The following RPS6KC1 variants were observed in gnomAD, a reference collection of about 807,000 sequenced individuals.
RPS6KC1 encodes inactive ribosomal protein S6 kinase delta-1.
Under a neutral mutation model 103.8 loss-of-function variants are expected in RPS6KC1, and 54 were observed. That is an observed-to-expected ratio of 0.52 (90% CI 0.42 to 0.65). The LOEUF is 0.65. Among genes scored for constraint, RPS6KC1 ranks in the 30% least tolerant of loss-of-function variants. RPS6KC1 has a pLI of 0.00. For synonymous variants in RPS6KC1, 439 were observed against 438.7 expected, an observed-to-expected ratio of 1.00 and a Z score of -0.01; for missense variants, 1,151 against 1,253.8, an observed-to-expected ratio of 0.92 and a Z score of 1.24.
At chr1:213,395,390 T>C in the RPS6KC1 span, among the ~76,000 whole-genome samples, 1 of 152,202 alleles carries the variant, frequency 6.6e-6, no homozygotes, top group Non-Finnish European at 1.5e-5. Flanking sequence ...ATATTGCATT[T>C]CTTCAGGAAA....
chr1:213,302,210 A>T, the RPS6KC1 span, among the ~76,000 whole-genome samples: 3 of 152,316 alleles, frequency 2.0e-5, no homozygotes, highest in Admixed American at 2.0e-4. Flanking sequence ...CTCTAATGTG[A>T]AAAATGAATA....
intron 6 of RPS6KC1, among the ~76,000 whole-genome samples, chr1:213,159,610 A>G (rs1487819567): frequency 6.6e-6 from 1 of 152,244 alleles, no homozygotes; most frequent in Non-Finnish European, 1.5e-5. Context: ...GTATTGTTGT[A>G]TGAACAGTTT....
chr1:213,860,358 C>T, the RPS6KC1 span, among the ~76,000 whole-genome samples: 2 of 151,106 alleles, frequency 1.3e-5, no homozygotes, highest in African/African-American at 2.4e-5. Context: ...ATAACAATTT[C>T]GGATCTACTC....
chr1:213,488,017 A>G, the RPS6KC1 span, among the ~76,000 whole-genome samples: 2 of 152,094 alleles, frequency 1.3e-5, no homozygotes, highest in Non-Finnish European at 2.9e-5. Context: ...TTTAAGAATC[A>G]TGTACTCCAG....
chr1:213,510,742 G>C, the RPS6KC1 span, among the ~76,000 whole-genome samples: 1 of 152,246 alleles, frequency 6.6e-6, no homozygotes, highest in South Asian at 2.1e-4. Context: ...GCCGCAGTTT[G>C]TCATGTCCAA....
the RPS6KC1 span, among the ~76,000 whole-genome samples, chr1:213,426,429 T>G: frequency 6.6e-6 from 1 of 152,120 alleles, no homozygotes; most frequent in Non-Finnish European, 1.5e-5. Flanking sequence ...GGGCCGATTT[T>G]GGTGCAGACT....
chr1:213,399,812 T>C, the RPS6KC1 span, among the ~76,000 whole-genome samples: 2 of 152,226 alleles, frequency 1.3e-5, no homozygotes, highest in Middle Eastern at 6.8e-3. Flanking sequence ...AGATGGCAGA[T>C]GGCTTGGAGT....
At chr1:213,621,219 G>A in the RPS6KC1 span, among the ~76,000 whole-genome samples, 1,877 of 152,268 alleles carry the variant, frequency 0.012, 35 homozygotes, top group African/African-American at 0.042. Flanking sequence ...AGATGCAGCC[G>A]ATTGATTAAT....
the RPS6KC1 span, among the ~76,000 whole-genome samples, chr1:213,800,511 G>A: frequency 1.1e-3 from 147 of 135,880 alleles, no homozygotes; most frequent in African/African-American, 4.8e-3. Context: ...TCTGGTCATG[G>A]TTGCTGGGAA....
At chr1:213,671,063 A>G in the RPS6KC1 span, among the ~76,000 whole-genome samples, 1 of 152,168 alleles carries the variant, frequency 6.6e-6, no homozygotes, top group Non-Finnish European at 1.5e-5. Context: ...AGAAGGGAGA[A>G]CACCCAAGCC....
At chr1:213,589,459 G>A in the RPS6KC1 span, among the ~76,000 whole-genome samples, 2 of 152,076 alleles carry the variant, frequency 1.3e-5, no homozygotes, top group African/African-American at 4.8e-5. Context: ...GGCCAACATG[G>A]TGAAACCCCA....
chr1:213,761,762 G>A, the RPS6KC1 span, among the ~76,000 whole-genome samples: 1 of 152,174 alleles, frequency 6.6e-6, no homozygotes, highest in East Asian at 1.9e-4. Flanking sequence ...CCAGGTGGCA[G>A]GGATGAAGGC....
chr1:213,370,294 T>C, the RPS6KC1 span, among the ~76,000 whole-genome samples: 1 of 151,942 alleles, frequency 6.6e-6, no homozygotes, highest in African/African-American at 2.4e-5. Flanking sequence ...TTTTTTTGCA[T>C]GTATCTTGTC....
chr1:213,691,816 C>T, the RPS6KC1 span, among the ~76,000 whole-genome samples: 1 of 151,914 alleles, frequency 6.6e-6, no homozygotes, highest in South Asian at 2.1e-4. Flanking sequence ...AATCAGGACT[C>T]CAGTCTTAAT....
chr1:213,091,132 A>G (rs1409080279), intron 3 of RPS6KC1, among the ~76,000 whole-genome samples: 1 of 151,470 alleles, frequency 6.6e-6, no homozygotes, highest in East Asian at 1.9e-4. Flanking sequence ...ATCTCGGCTT[A>G]CTGCAAGCTC....
chr1:213,860,108 T>C, the RPS6KC1 span, among the ~76,000 whole-genome samples: 1 of 151,292 alleles, frequency 6.6e-6, no homozygotes, highest in African/African-American at 2.4e-5. Context: ...GATACGTATA[T>C]ATATTCAGAT....
the RPS6KC1 span, among the ~76,000 whole-genome samples, chr1:213,374,340 C>T: frequency 2.4e-4 from 37 of 152,190 alleles, no homozygotes; most frequent in Non-Finnish European, 7.3e-5. Flanking sequence ...TTTTATTTAT[C>T]CCAGTGTTTT....
the RPS6KC1 span, among the ~76,000 whole-genome samples, chr1:213,728,965 T>TTTTTTTTTTTTTTTTTA: frequency 1.4e-5 from 2 of 141,124 alleles, no homozygotes; most frequent in African/African-American, 5.5e-5. Flanking sequence ...TTTTTTTTTT[T>TTTTTTTTTTTTTTTTTA]ACCAGTGGAC....
the RPS6KC1 span, among the ~76,000 whole-genome samples, chr1:213,612,155 A>G: frequency 1.3e-5 from 2 of 152,214 alleles, no homozygotes; most frequent in South Asian, 4.1e-4. Context: ...GCTCCACCCC[A>G]GACCTACTGA....
Sources: allele counts gnomAD v4.1 joint callset (sites outside exome capture counted in the v4.1 genomes callset), GRCh38; gene constraint gnomAD v4.1.1; transcripts MANE v1.5; gene names NCBI Gene and HGNC (gene_info 2026-07-23, HGNC 2026-07-21).